SUMF1: variants seen among roughly 807,000 people sequenced by gnomAD.
SUMF1 encodes sulfatase modifying factor 1, also known as formylglycine-generating enzyme.
A neutral mutation model predicts 47.6 loss-of-function variants in SUMF1; 48 were observed. That is an observed-to-expected ratio of 1.01 (90% CI 0.80 to 1.28). SUMF1 has a LOEUF of 1.28. Ranked by LOEUF, SUMF1 falls within the 50% of genes most tolerant of loss-of-function variation. The pLI is 0.00. For missense variants in SUMF1, 571 were observed against 485.4 expected, an observed-to-expected ratio of 1.18 and a Z score of -1.66; for synonymous variants, 230 against 192.1, an observed-to-expected ratio of 1.20 and a Z score of -1.63.
chr3:4,417,370 T>A (rs917569808), intron 5 of SUMF1, 128 bp from the exon 6 acceptor site: 8 of 627,484 alleles, frequency 1.3e-5, no homozygotes, highest in African/African-American at 1.9e-5. Context: ...AAAATATATA[T>A]ATAAATAAAT....
chr3:4,402,549 T>C (rs761895150), intron 7 of SUMF1, among the ~76,000 whole-genome samples: 7 of 152,208 alleles, frequency 4.6e-5, no homozygotes, highest in Non-Finnish European at 1.0e-4. Context: ...TCAGGAAATG[T>C]AGGCTGACTC....
intron 2 of SUMF1, among the ~76,000 whole-genome samples, chr3:4,450,934 G>A (rs1482743082): frequency 6.6e-6 from 1 of 152,020 alleles, no homozygotes; most frequent in East Asian, 1.9e-4. Context: ...ATGATATAAA[G>A]TAAAGCTGGA....
At chr3:4,344,680 A>C (rs56216522) in intron 8 of SUMF1, among the ~76,000 whole-genome samples, 2,058 of 152,238 alleles carry the variant, frequency 0.014, 50 homozygotes, top group African/African-American at 0.047. Context: ...TGAATGGAGG[A>C]TCAGACGGAT....
intron 8 of SUMF1, among the ~76,000 whole-genome samples, chr3:4,137,905 CA>C (rs1396544047): frequency 7.7e-6 from 1 of 130,588 alleles, no homozygotes; most frequent in Non-Finnish European, 1.7e-5. Context: ...ATATAGTAAA[CA>C]CTAATAATAC....
intron 8 of SUMF1, among the ~76,000 whole-genome samples, chr3:4,252,141 C>T (rs12494035): frequency 0.36 from 55,135 of 151,930 alleles, 10,841 homozygotes; most frequent in Non-Finnish European, 0.45. Context: ...AGTAACACTG[C>T]ACAAATCAGC....
At chr3:4,217,377 T>TA (rs1227882521) in intron 8 of SUMF1, among the ~76,000 whole-genome samples, 1 of 147,624 alleles carries the variant, frequency 6.8e-6, no homozygotes, top group Non-Finnish European at 1.5e-5. Flanking sequence ...GGTGAGGGGT[T>TA]AGGGGAGGGA....
chr3:4,233,104 G>C (rs1182370573), intron 8 of SUMF1, among the ~76,000 whole-genome samples: 1 of 152,098 alleles, frequency 6.6e-6, no homozygotes, highest in Admixed American at 6.6e-5. Flanking sequence ...AAATGATCTG[G>C]ACTTAGGAAG....
rs1190797821 is a variant in SUMF1 at position 4,324,478 on chromosome 3, C to T, written c.1014+51852G>A. On this transcript the variant is annotated intron_variant and NMD_transcript_variant, in intron 8 of 12. Transcript: ENST00000448413. ...GAACTTGAATATTTAAAGGGGAAAA[C>T]GTAAGCAGGAGAGGGGACAAAAAGA... Among the ~76,000 whole-genome samples the T allele has an allele frequency of 3.9e-5, 6 of 151,978 alleles. No individual in the cohort carries two copies. In the South Asian group the frequency reaches 1.2e-3, roughly 31 times the overall value.
chr3:4,424,130 T>C (rs944467405), intron 3 of SUMF1, among the ~76,000 whole-genome samples: 2 of 152,190 alleles, frequency 1.3e-5, no homozygotes, highest in African/African-American at 4.8e-5. Flanking sequence ...CAATTAGTCA[T>C]CTCATTTTCC....
intron 3 of SUMF1, 21 bp from the exon 4 acceptor site, chr3:4,420,167 G>A: frequency 6.3e-7 from 1 of 1,593,560 alleles, no homozygotes; most frequent in Non-Finnish European, 8.6e-7. Context: ...CCCAGAACAG[G>A]CTGATGTTAG....
Position 4,190,570 on chromosome 3 carries a change from C to T in SUMF1, c.1015-121825G>A, listed in dbSNP as rs747633514. Among the ~76,000 whole-genome samples the T allele has an allele frequency of 6.4e-4, 98 of 152,010 alleles. 1 individual carries two copies. The highest frequency in any genetic ancestry group is 1.0e-3 in the Non-Finnish European group (68 of 67,994). ...AGTGACCCATGATAAAAATAACAAT[C>T]CCCTACATTTGTAGAACTCTGCATC... On this transcript the variant is annotated intron_variant and NMD_transcript_variant, in intron 8 of 12. Transcript: ENST00000448413.
chr3:4,246,690 G>T (rs901996479), intron 8 of SUMF1, among the ~76,000 whole-genome samples: 1 of 152,014 alleles, frequency 6.6e-6, no homozygotes, highest in Admixed American at 6.6e-5. Context: ...GTGAGCTACC[G>T]CACCCAGCCT....
chr3:4,421,402 T>A (rs1419253037), intron 3 of SUMF1, among the ~76,000 whole-genome samples: 3 of 152,208 alleles, frequency 2.0e-5, no homozygotes, highest in Non-Finnish European at 4.4e-5. Flanking sequence ...CCAGTCTCAC[T>A]ATGGCCCCAT....
chr3:4,208,605 G>C (rs557623133), intron 8 of SUMF1, among the ~76,000 whole-genome samples: 1 of 151,970 alleles, frequency 6.6e-6, no homozygotes, highest in South Asian at 2.1e-4. Context: ...GAAAAGATGA[G>C]TAACAAGCGG....
At chr3:4,265,639 A>G (rs1324163282) in intron 8 of SUMF1, among the ~76,000 whole-genome samples, 2 of 152,190 alleles carry the variant, frequency 1.3e-5, no homozygotes, top group Non-Finnish European at 2.9e-5. Context: ...GCCCTTTGTC[A>G]GATGAGTAGG....
intron 3 of SUMF1, among the ~76,000 whole-genome samples, chr3:4,444,546 A>AG (rs1559304088): frequency 6.6e-6 from 1 of 152,230 alleles, no homozygotes; most frequent in Admixed American, 6.5e-5. Context: ...ACCTATTCTC[A>AG]GTAATTACAC....
intron 8 of SUMF1, among the ~76,000 whole-genome samples, chr3:4,146,758 T>C (rs147173455): frequency 0.031 from 4,620 of 147,566 alleles, 265 homozygotes; most frequent in African/African-American, 0.11. Context: ...CACTGTTCAA[T>C]TCCCACCTAT....
In SUMF1 at chr3:4,036,953, C is replaced by T. The variant is rs1161490614; in HGVS notation, c.1191+31616G>A. Among the ~76,000 whole-genome samples, 4 of 150,240 alleles carry T rather than the reference C, an allele frequency of 2.7e-5. No individual in the cohort carries two copies. The East Asian group carries it at 5.9e-4, about 22-fold the overall frequency. On this transcript the variant is annotated intron_variant and NMD_transcript_variant, in intron 9 of 12. Transcript: ENST00000448413. ...GGGAACCAACACACTGTTCTGAACA[C>T]TTTGGGGGCTTCAGAGTATGAAGAT...
chr3:4,194,475 G>A (rs1695386307), intron 8 of SUMF1, among the ~76,000 whole-genome samples: 1 of 152,146 alleles, frequency 6.6e-6, no homozygotes, highest in Non-Finnish European at 1.5e-5. Context: ...CCTCAGGCAG[G>A]AGCCTGGAGA....
Sources: allele counts gnomAD v4.1 joint callset (sites outside exome capture counted in the v4.1 genomes callset), GRCh38; gene constraint gnomAD v4.1.1; transcripts MANE v1.5; gene names NCBI Gene and HGNC (gene_info 2026-07-23, HGNC 2026-07-21).